The following HIVEP1 variants were observed in gnomAD, a reference collection of about 807,000 sequenced individuals.
The protein encoded by HIVEP1 is HIVEP zinc finger 1.
A neutral mutation model predicts 180.0 loss-of-function variants in HIVEP1; 36 were observed. That is an observed-to-expected ratio of 0.20 (90% confidence interval 0.15 to 0.26). The LOEUF (loss-of-function observed/expected upper bound fraction) is 0.26, where lower values mean the gene tolerates loss of function less well. Among genes scored for constraint, HIVEP1 ranks in the 10% least tolerant of loss-of-function variants. The probability of loss-of-function intolerance (pLI) is 1.00; values close to 1 mark genes in which losing one functional copy is unlikely to be tolerated. For missense variants in HIVEP1, 3,143 were observed against 3,268.7 expected, an observed-to-expected ratio of 0.96 and a Z score of 0.94; for synonymous variants, 1,239 against 1,239.0, an observed-to-expected ratio of 1.00 and a Z score of 0.00.
At chr6:12,075,398 T>C (rs762530364) in intron 2 of HIVEP1, among the ~76,000 whole-genome samples, 2 of 152,232 alleles carry the variant, frequency 1.3e-5, no homozygotes, top group Non-Finnish European at 2.9e-5. Flanking sequence ...AGAAATTATT[T>C]CCTTTCCTTT....
the HIVEP1 span, among the ~76,000 whole-genome samples, chr6:12,194,861 G>A: frequency 4.6e-5 from 7 of 152,316 alleles, no homozygotes; most frequent in Admixed American, 4.6e-4. Context: ...ACAACAGAAT[G>A]AGGTAGAGGA....
intron 2 of HIVEP1, among the ~76,000 whole-genome samples, chr6:12,067,293 T>A (rs888675994): frequency 3.9e-5 from 6 of 152,204 alleles, no homozygotes; most frequent in Non-Finnish European, 7.4e-5. Context: ...GTAGTTACTA[T>A]CATTTACATT....
chr6:12,192,662 C>T, the HIVEP1 span, among the ~76,000 whole-genome samples: 11 of 152,138 alleles, frequency 7.2e-5, no homozygotes, highest in African/African-American at 2.4e-4. Flanking sequence ...CGCTTGCTTC[C>T]CCTTTGCCCT....
Position 12,093,743 on chromosome 6 carries a change from C to T in HIVEP1, c.94+4506C>T, listed in dbSNP as rs372378976. ...TATTCTGTTCTGTGAATTTGTTTAC[C>T]CATATTTTAATATCACAGTATGTTA... On this transcript the variant is annotated intron_variant, in intron 3 of 8. Transcript: ENST00000379388. 1.3e-4 allele frequency among the ~76,000 whole-genome samples: 20 copies of T among 151,686 alleles called. 1 individual carries two copies. Among genetic ancestry groups the T allele is most frequent in the African/African-American group, 4.8e-4 (20 of 41,374 alleles).
chr6:12,124,749 C>T lies in HIVEP1; in HGVS notation c.4954C>T (p.Leu1652Phe), dbSNP rs766026011. 6.2e-7 allele frequency: 1 copy of T among 1,614,096 alleles called. No individual in the cohort carries two copies. Among genetic ancestry groups the T allele is most frequent in the African/African-American group, 1.3e-5 (1 of 74,926 alleles). ...SSVPAYCFAT[L>F]TSLPQILVTQ... ...TGTTCCTGCTTACTGTTTTGCTACA[C>T]TCACATCCCTGCCACAAATACTAGT... is the stretch of plus-strand genomic sequence containing the variant. The change falls in exon 4 of 9, where the codon CTC (leucine) becomes TTC (phenylalanine). Residue 1652 changes from leucine to phenylalanine, a missense_variant. By Grantham distance (22) the Leu-to-Phe change is conservative (BLOSUM62 0). Transcript: ENST00000379388.
At chr6:12,207,354 T>C in the HIVEP1 span, among the ~76,000 whole-genome samples, 2 of 152,344 alleles carry the variant, frequency 1.3e-5, no homozygotes, top group South Asian at 4.1e-4. Context: ...AATGTTTGTA[T>C]AGTGGCATAT....
rs1202007555 is a variant in HIVEP1, at chr6:12,164,055, A to G, written c.7751A>G (p.Lys2584Arg). 1 of 1,614,178 alleles carries G rather than the reference A, an allele frequency of 6.2e-7. No individual in the cohort carries two copies. The highest frequency in any genetic ancestry group is 1.1e-5 in the South Asian group (1 of 91,076). ...SQSKACETQPKQTSVASANQV... is the reference protein window; with the variant it reads ...SQSKACETQPRQTSVASANQV... ...AGCAAAGCATGCGAGACACAACCCAAGCAGACTTCTGTAGCCAGCGCAAAC... is the reference window on the plus strand; with the variant it reads ...AGCAAAGCATGCGAGACACAACCCAGGCAGACTTCTGTAGCCAGCGCAAAC... Residue 2584 changes from lysine (K) to arginine (R), a missense_variant, in exon 9 of 9, where the codon AAG becomes AGG. By Grantham distance (26) the Lys-to-Arg change is conservative (BLOSUM62 2). Transcript: ENST00000379388.
intron 7 of HIVEP1, among the ~76,000 whole-genome samples, chr6:12,160,624 A>G (rs1423085210): frequency 6.6e-6 from 1 of 152,172 alleles, no homozygotes; most frequent in Non-Finnish European, 1.5e-5. Flanking sequence ...AACAAAAACA[A>G]AAAAACAGGA....
the HIVEP1 span, among the ~76,000 whole-genome samples, chr6:12,194,317 G>C: frequency 1.9e-4 from 29 of 152,012 alleles, no homozygotes; most frequent in Non-Finnish European, 3.5e-4. Flanking sequence ...TAGGAAGGAA[G>C]TTATAAAATT....
intron 7 of HIVEP1, among the ~76,000 whole-genome samples, chr6:12,141,184 C>G (rs781449115): frequency 6.6e-6 from 1 of 152,116 alleles, no homozygotes. Context: ...GGCAGAAACT[C>G]TACAAGCCAG....
chr6:12,129,108 G>A (rs956212951), intron 4 of HIVEP1, among the ~76,000 whole-genome samples: 5 of 152,176 alleles, frequency 3.3e-5, no homozygotes, highest in Admixed American at 6.5e-5. Flanking sequence ...TACTCAGGAG[G>A]CTGAGGTGGG....
chr6:12,099,016 G>A (rs1049620589), intron 3 of HIVEP1, among the ~76,000 whole-genome samples: 1 of 152,090 alleles, frequency 6.6e-6, no homozygotes, highest in Non-Finnish European at 1.5e-5. Context: ...TGAGTGGGAA[G>A]GGCAAGAAGA....
At chr6:12,156,601 G>A (rs1760069228) in intron 7 of HIVEP1, among the ~76,000 whole-genome samples, 1 of 152,100 alleles carries the variant, frequency 6.6e-6, no homozygotes, top group Non-Finnish European at 1.5e-5. Flanking sequence ...GTCTGTTCTT[G>A]TACCAGTATC....
chr6:12,184,875 T>C, the HIVEP1 span, among the ~76,000 whole-genome samples: 2 of 152,232 alleles, frequency 1.3e-5, no homozygotes, highest in African/African-American at 2.4e-5. Flanking sequence ...TCATTATTTA[T>C]TTAAAAATAA....
At chr6:12,085,359 C>T (rs895231724) in intron 2 of HIVEP1, among the ~76,000 whole-genome samples, 9 of 152,042 alleles carry the variant, frequency 5.9e-5, no homozygotes, top group African/African-American at 2.2e-4. Flanking sequence ...GTCCTAGGGT[C>T]TGGTTGAGCC....
chr6:12,073,074 A>G (rs951732515), intron 2 of HIVEP1, among the ~76,000 whole-genome samples: 3 of 152,126 alleles, frequency 2.0e-5, no homozygotes, highest in African/African-American at 7.2e-5. Flanking sequence ...GCATCTGAAG[A>G]TTATCATGTG....
chr6:12,045,436 C>T (rs570681204), intron 2 of HIVEP1, among the ~76,000 whole-genome samples: 2 of 152,306 alleles, frequency 1.3e-5, no homozygotes, highest in South Asian at 4.1e-4. Flanking sequence ...CCTTTAACAT[C>T]TCATGAGTTG....
chr6:12,149,999 TGCGTTTAATGAA>T (rs1304147939), intron 7 of HIVEP1, among the ~76,000 whole-genome samples: 1 of 152,228 alleles, frequency 6.6e-6, no homozygotes. Context: ...GGGAAACGTT[TGCGTTTAATGAA>T]GCAGGAGGAA....
At chr6:12,090,708 T>A (rs1000213059) in intron 3 of HIVEP1, among the ~76,000 whole-genome samples, 3 of 150,990 alleles carry the variant, frequency 2.0e-5, no homozygotes, top group Non-Finnish European at 3.0e-5. Flanking sequence ...GGCCATACTT[T>A]TAAAGTTTTC....
Sources: gnomAD v4.1 joint callset for allele counts (sites outside exome capture counted in the v4.1 genomes callset) on GRCh38, gnomAD v4.1.1 for gene constraint, MANE v1.5 for transcripts, NCBI Gene and HGNC (gene_info 2026-07-23, HGNC 2026-07-21) for gene names.